POU3F1: variants seen among roughly 807,000 people sequenced by gnomAD.
POU3F1 encodes the protein POU domain, class 3, transcription factor 1.
In POU3F1, 1 loss-of-function variant was observed where a neutral mutation model predicts 7.6. The observed-to-expected ratio is 0.13, with a 90% CI of 0.05 to 0.62. The LOEUF (loss-of-function observed/expected upper bound fraction) is 0.62, where lower values mean the gene tolerates loss of function less well. POU3F1 is among the 20% of genes least tolerant of loss of function. The pLI is 0.87. For missense variants in POU3F1, 505 were observed against 679.3 expected, an observed-to-expected ratio of 0.74 and a Z score of 2.85; for synonymous variants, 354 against 339.0, an observed-to-expected ratio of 1.04 and a Z score of -0.49.
In POU3F1 at chr1:38,046,357, C is replaced by A. The variant is rs1398028945; in HGVS notation, c.387G>T (p.Ala129=). The A allele has an allele frequency of 4.5e-5, 54 of 1,212,482 alleles. No individual in the cohort carries two copies. Among genetic ancestry groups the A allele is most frequent in the Non-Finnish European group, 5.1e-5 (50 of 979,964 alleles). 75.1% of individuals were successfully genotyped at this position (1,212,482 alleles called of 1,614,324 possible). A position where few individuals can be genotyped will look rare whatever the true frequency, so the allele number is the denominator to read the frequency against. Residue 129 remains alanine, a synonymous_variant, in exon 1 of 1, where the codon GCG becomes GCT. Coordinates refer to ENST00000373012, the MANE Select transcript of POU3F1 (RefSeq NM_002699.4). The surrounding 1 kb of genome is among the most constrained non-coding windows in gnomAD (Gnocchi z 9.5). ...CCAAGTGGTGCGCTGTGCTGCCCTG[C>A]GCCCATGCCGCGCCCGCGTGGGCCG... is the stretch of plus-strand genomic sequence containing the variant. ...QGAAHAGAAW[A]QGSTAHHLGP...
Position 38,045,558 on chromosome 1 carries a change from G to T in POU3F1, c.1186C>A (p.Arg396Ser). Reference sequence around the variant, plus strand: ...CCCGCGCCGGCCGCAGGGGTCATGCGCTTCTCCTTCTGCCGCCGGTTGCAG... The same window carrying T: ...CCCGCGCCGGCCGCAGGGGTCATGCTCTTCTCCTTCTGCCGCCGGTTGCAG... ...WFCNRRQKEK[R>S]MTPAAGAGHP... Residue 396 changes from arginine (R) to serine (S), a missense_variant, in exon 1 of 1, where the codon CGC becomes AGC. Coordinates refer to ENST00000373012, the MANE Select transcript of POU3F1 (RefSeq NM_002699.4). The surrounding 1 kb of genome is among the most constrained non-coding windows in gnomAD (Gnocchi z 9.4). 1 of 1,608,212 alleles carries T rather than the reference G, an allele frequency of 6.2e-7. No individual in the cohort carries two copies. Among genetic ancestry groups the T allele is most frequent in the Non-Finnish European group, 8.5e-7 (1 of 1,177,574 alleles).
At position 38,046,543 on chromosome 1, in the gene POU3F1, G is replaced by A; in HGVS notation, c.201C>T (p.Gly67=). ...WLGAGAGHPV[G]LAHPQWLPTG... is the part of the protein sequence containing the mutation. ...TGGGTAGCCACTGGGGGTGCGCTAG[G>A]CCCACGGGGTGGCCCGCGCCCGCGC... is the stretch of plus-strand genomic sequence containing the variant. The change falls in exon 1 of 1, where the codon GGC becomes GGT. Residue 67 remains glycine (G), a synonymous_variant. Coordinates refer to ENST00000373012, the MANE Select transcript of POU3F1 (RefSeq NM_002699.4). The surrounding 1 kb of genome is among the most constrained non-coding windows in gnomAD (Gnocchi z 9.5). 2 of 1,372,366 alleles carry A rather than the reference G, an allele frequency of 1.5e-6. No individual in the cohort carries two copies. Among genetic ancestry groups the A allele is most frequent in the Non-Finnish European group, 1.9e-6 (2 of 1,061,712 alleles). The allele number at this position is 1,372,366 out of a possible 1,614,324, so 85.0% of individuals were successfully genotyped here. A position where few individuals can be genotyped will look rare whatever the true frequency, so the allele number is the denominator to read the frequency against.
At position 38,046,119 on chromosome 1, in the gene POU3F1, C is replaced by A; in HGVS notation, c.625G>T (p.Gly209Cys). The A allele has an allele frequency of 7.0e-7, 1 of 1,423,498 alleles. No homozygotes were observed. 88.2% of individuals were successfully genotyped at this position (1,423,498 alleles called of 1,614,324 possible). The change falls in exon 1 of 1, where the codon GGC becomes TGC. Residue 209 changes from glycine to cysteine, a missense_variant. By Grantham distance (159) the Gly-to-Cys change is radical (BLOSUM62 -3). This residue lies in a region of POU3F1 where 361 missense variants were observed against 382.1 expected (regional missense o/e 0.94). Coordinates refer to ENST00000373012, the MANE Select transcript of POU3F1 (RefSeq NM_002699.4). This position sits in a 1 kb window ranked among gnomAD's most constrained non-coding sequence, Gnocchi z 9.5. ...TGTCCGTGTGCGTGTCCGTGGGCGC[C>A]CAGATGCGGCGGCGGCGACGGCTCC... ...QLEPSPPPHL[G>C]AHGHAHGHAH...
At position 38,046,758 on chromosome 1, in the gene POU3F1, T is replaced by C; in HGVS notation, c.-15A>G. ...GTGGTGGCCATGCCGCCCCGCGCCC[T>C]GCGCCGCGCCGCCGCCGCCGCTCCG... On this transcript the variant is annotated 5_prime_UTR_variant, in exon 1 of 1. Transcript: ENST00000373012. This position sits in a 1 kb window ranked among gnomAD's most constrained non-coding sequence, Gnocchi z 9.5. 1.0e-6 allele frequency: 1 copy of C among 980,496 alleles called. No individual in the cohort carries two copies. The highest frequency in any genetic ancestry group is 1.2e-4 in the East Asian group (1 of 8,518). The allele number at this position is 980,496 out of a possible 1,614,324, so 60.7% of individuals were successfully genotyped here.
Position 38,045,820 on chromosome 1 carries a change from C to T in POU3F1, c.924G>A (p.Lys308=), listed in dbSNP as rs1646857484. ...GCCACTTGTTGAGCAGCGGCTTGAG[C>T]TTGCACATGTTCTTGAAGCTCAGCT... is the stretch of plus-strand genomic sequence containing the variant. The part of the protein sequence containing the change: ...ALQLSFKNMC[K]LKPLLNKWLE... The change falls in exon 1 of 1, where the codon AAG becomes AAA. Residue 308 remains lysine (K), a synonymous_variant. Coordinates refer to ENST00000373012, the MANE Select transcript of POU3F1 (RefSeq NM_002699.4). This position sits in a 1 kb window ranked among gnomAD's most constrained non-coding sequence, Gnocchi z 9.4. 1.2e-6 allele frequency: 2 copies of T among 1,614,070 alleles called. No homozygotes were observed. Among genetic ancestry groups the T allele is most frequent in the Non-Finnish European group, 1.7e-6 (2 of 1,180,006 alleles).
Position 38,045,637 on chromosome 1 carries a change from G to A in POU3F1, c.1107C>T (p.Ile369=), listed in dbSNP as rs762972087. 2.3e-5 allele frequency: 37 copies of A among 1,613,568 alleles called. No individual in the cohort carries two copies. The highest frequency in any genetic ancestry group is 3.1e-5 in the Non-Finnish European group (37 of 1,179,876). ...GCTGCAGGCTGTCTGCCAAGCCGGT[G>A]ATCTCGTGCGCCGAGGGCTTGGGGC... is the stretch of plus-strand genomic sequence containing the variant. ...LKCPKPSAHE[I]TGLADSLQLE... is the part of the protein sequence containing the mutation. The change falls in exon 1 of 1, where the codon ATC becomes ATT. Residue 369 remains isoleucine (I), a synonymous_variant. Transcript: ENST00000373012. This position sits in a 1 kb window ranked among gnomAD's most constrained non-coding sequence, Gnocchi z 9.4.
rs762802621 is a variant in POU3F1 at position 38,046,414 on chromosome 1, T to TCCG, written c.327_329dup (p.Gly111dup). ...GGTGCACCAGGCGCGCGTGGAAACC[T>TCCG]CCGCCGCCGCCGCCGTCGTCGGCTC... is the stretch of plus-strand genomic sequence containing the variant. On this transcript the variant is annotated inframe_insertion, in exon 1 of 1. Transcript: ENST00000373012. This position sits in a 1 kb window ranked among gnomAD's most constrained non-coding sequence, Gnocchi z 9.5. 4.7e-5 allele frequency: 60 copies of TCCG among 1,277,312 alleles called. No homozygotes were observed. The highest frequency in any genetic ancestry group is 3.1e-4 in the Middle Eastern group (1 of 3,252). The allele number at this position is 1,277,312 out of a possible 1,614,324, so 79.1% of individuals were successfully genotyped here.
chr1:38,043,832 G>C lies in POU3F1; in HGVS notation c.*1556C>G, dbSNP rs543733392. On this transcript the variant is annotated 3_prime_UTR_variant, in exon 1 of 1. Coordinates refer to ENST00000373012, the MANE Select transcript of POU3F1 (RefSeq NM_002699.4). This position sits in a 1 kb window ranked among gnomAD's most constrained non-coding sequence, Gnocchi z 4.5. Reference sequence around the variant, plus strand: ...TAAAAAGGACAGGACACAGCCCTGGGGTACATGTTTATGTGAGTAATAAAA... The same window carrying C: ...TAAAAAGGACAGGACACAGCCCTGGCGTACATGTTTATGTGAGTAATAAAA... Among the ~76,000 whole-genome samples the C allele has an allele frequency of 1.1e-4, 16 of 151,690 alleles. No homozygotes were observed. The highest frequency in any genetic ancestry group is 3.9e-4 in the African/African-American group (16 of 41,304).
rs1646855579 is a variant in POU3F1 at position 38,045,550 on chromosome 1, G to A, written c.1194C>T (p.Thr398=). The change falls in exon 1 of 1, where the codon ACC becomes ACT. Residue 398 remains threonine, a synonymous_variant. Transcript: ENST00000373012. The surrounding 1 kb of genome is among the most constrained non-coding windows in gnomAD (Gnocchi z 9.4). ...GCGGGTGGCCCGCGCCGGCCGCAGG[G>A]GTCATGCGCTTCTCCTTCTGCCGCC... The part of the protein sequence containing the change: ...CNRRQKEKRM[T]PAAGAGHPPM... 6.2e-7 allele frequency: 1 copy of A among 1,605,278 alleles called. No homozygotes were observed. Among genetic ancestry groups the A allele is most frequent in the South Asian group, 1.1e-5 (1 of 89,784 alleles).
chr1:38,046,309 G>T lies in POU3F1; in HGVS notation c.435C>A (p.Pro145=). 8.4e-7 allele frequency: 1 copy of T among 1,189,514 alleles called. No individual in the cohort carries two copies. The allele number at this position is 1,189,514 out of a possible 1,614,324, so 73.7% of individuals were successfully genotyped here. Residue 145 remains proline, a synonymous_variant, in exon 1 of 1, where the codon CCC becomes CCA. Transcript: ENST00000373012. This position sits in a 1 kb window ranked among gnomAD's most constrained non-coding sequence, Gnocchi z 9.5. The part of the protein sequence containing the change: ...HHLGPAMSPS[P]GASGGHQPQP... ...GGGGCTGGTGGCCCCCGCTGGCCCCGGGCGAGGGCGACATGGCCGGGCCCA... is the reference window on the plus strand; with the variant it reads ...GGGGCTGGTGGCCCCCGCTGGCCCCTGGCGAGGGCGACATGGCCGGGCCCA...
Position 38,046,158 on chromosome 1 carries a change from G to A in POU3F1, c.586C>T (p.His196Tyr), listed in dbSNP as rs892427203. ...GGCGACGGCTCCAGCTGCGCCTCGT[G>A]GCCATCCTCGTGCAGCGCGTGGTGC... is the stretch of plus-strand genomic sequence containing the variant. ...GLHHALHEDGHEAQLEPSPPP... is the reference protein window; with the variant it reads ...GLHHALHEDGYEAQLEPSPPP... Residue 196 changes from histidine (H) to tyrosine (Y), a missense_variant, in exon 1 of 1, where the codon CAC (histidine) becomes TAC (tyrosine). By Grantham distance (83) the His-to-Tyr change is moderately conservative. Coordinates refer to ENST00000373012, the MANE Select transcript of POU3F1 (RefSeq NM_002699.4). This position sits in a 1 kb window ranked among gnomAD's most constrained non-coding sequence, Gnocchi z 9.5. 5.1e-6 allele frequency: 7 copies of A among 1,381,554 alleles called. No homozygotes were observed. The African/African-American group carries it at 7.7e-5, about 15-fold the overall frequency. The allele number at this position is 1,381,554 out of a possible 1,614,324, so 85.6% of individuals were successfully genotyped here. A position where few individuals can be genotyped will look rare whatever the true frequency, so the allele number is the denominator to read the frequency against.
chr1:38,046,788 G>C lies in POU3F1; in HGVS notation c.-45C>G. On this transcript the variant is annotated 5_prime_UTR_variant, in exon 1 of 1. Coordinates refer to ENST00000373012, the MANE Select transcript of POU3F1 (RefSeq NM_002699.4). The surrounding 1 kb of genome is among the most constrained non-coding windows in gnomAD (Gnocchi z 9.5). ...CGCGCCGCCGCCGCCGCTCCGCTCC[G>C]TCTGCGGGCCCCGCCGCCTCGCTCC... is the stretch of plus-strand genomic sequence containing the variant. 2 of 984,330 alleles carry C rather than the reference G, an allele frequency of 2.0e-6. No individual in the cohort carries two copies. The highest frequency in any genetic ancestry group is 2.4e-6 in the Non-Finnish European group (2 of 830,590). The allele number at this position is 984,330 out of a possible 1,614,324, so 61.0% of individuals were successfully genotyped here.
In POU3F1 at chr1:38,045,441, G is replaced by C; in HGVS notation, c.1303C>G (p.Pro435Ala). Residue 435 changes from proline to alanine, a missense_variant, in exon 1 of 1, where the codon CCG becomes GCG. Transcript: ENST00000373012. This position sits in a 1 kb window ranked among gnomAD's most constrained non-coding sequence, Gnocchi z 9.4. ...TGGTGGTGGTGGTGCAGCGCCGCCG[G>C]CGGGGGCGGTGGGGGCGCGGAGGGT... The part of the protein sequence containing the change: ...SPPSAPPPPP[P>A]AALHHHHHHT... 6.9e-7 allele frequency: 1 copy of C among 1,440,588 alleles called. No individual in the cohort carries two copies. The highest frequency in any genetic ancestry group is 1.5e-5 in the South Asian group (1 of 67,696). 89.2% of individuals were successfully genotyped at this position (1,440,588 alleles called of 1,614,324 possible).
rs775275362 is a variant in POU3F1, at chr1:38,046,012, G to A, written c.732C>T (p.His244=). The change falls in exon 1 of 1, where the codon CAC becomes CAT. Residue 244 remains histidine (H), a synonymous_variant. Transcript: ENST00000373012. This position sits in a 1 kb window ranked among gnomAD's most constrained non-coding sequence, Gnocchi z 9.5. The stretch of plus-strand genomic sequence containing the variant: ...CCGAGCTGGGCGCATCCTCGTCCGA[G>A]TGCTCGCCCACCGATGAGCCGCCGC... ...AGGGGSSVGE[H]SDEDAPSSDD... The A allele has an allele frequency of 3.7e-6, 6 of 1,604,220 alleles. No individual in the cohort carries two copies.
Position 38,046,453 on chromosome 1 carries a change from G to T in POU3F1, c.291C>A (p.Gly97=). The change falls in exon 1 of 1, where the codon GGC becomes GGA. Residue 97 remains glycine (G), a synonymous_variant. Coordinates refer to ENST00000373012, the MANE Select transcript of POU3F1 (RefSeq NM_002699.4). The surrounding 1 kb of genome is among the most constrained non-coding windows in gnomAD (Gnocchi z 9.5). The stretch of plus-strand genomic sequence containing the variant: ...CGTCGTCGGCTCGGCCGGTGCCGCC[G>T]CCGCCTGCCTTGCCGTGTTCTAGGT... The part of the protein sequence containing the change: ...GPHLEHGKAG[G]GGTGRADDGG... The T allele has an allele frequency of 1.5e-6, 2 of 1,328,684 alleles. No homozygotes were observed. Among genetic ancestry groups the T allele is most frequent in the Non-Finnish European group, 1.9e-6 (2 of 1,038,838 alleles). 82.3% of individuals were successfully genotyped at this position (1,328,684 alleles called of 1,614,324 possible). A position where few individuals can be genotyped will look rare whatever the true frequency, so the allele number is the denominator to read the frequency against.
In POU3F1 at chr1:38,046,693, C is replaced by T; in HGVS notation, c.51G>A (p.Gly17=). Residue 17 remains glycine (G), a synonymous_variant, in exon 1 of 1, where the codon GGG becomes GGA. Transcript: ENST00000373012. The surrounding 1 kb of genome is among the most constrained non-coding windows in gnomAD (Gnocchi z 9.5). Reference sequence around the variant, plus strand: ...CCGGGTGCATAAGCGGCCCGGTGCCCCCGGCTCCGCCACCGGGGCCCCGCG... The same window carrying T: ...CCGGGTGCATAAGCGGCCCGGTGCCTCCGGCTCCGCCACCGGGGCCCCGCG... ...YLPRGPGGGA[G]GTGPLMHPDA... is the part of the protein sequence containing the mutation. 1 of 1,189,270 alleles carries T rather than the reference C, an allele frequency of 8.4e-7. No individual in the cohort carries two copies. The allele number at this position is 1,189,270 out of a possible 1,614,324, so 73.7% of individuals were successfully genotyped here.
chr1:38,045,527 G>C lies in POU3F1; in HGVS notation c.1217C>G (p.Pro406Arg), dbSNP rs751308093. Reference sequence around the variant, plus strand: ...AGGCGCGTATACATCGTCCATGGGCGGGTGGCCCGCGCCGGCCGCAGGGGT... The same window carrying C: ...AGGCGCGTATACATCGTCCATGGGCCGGTGGCCCGCGCCGGCCGCAGGGGT... ...RMTPAAGAGH[P>R]PMDDVYAPGE... The change falls in exon 1 of 1, where the codon CCG becomes CGG. Residue 406 changes from proline to arginine, a missense_variant. Transcript: ENST00000373012. The surrounding 1 kb of genome is among the most constrained non-coding windows in gnomAD (Gnocchi z 9.4). 4 of 1,593,544 alleles carry C rather than the reference G, an allele frequency of 2.5e-6. No homozygotes were observed. The highest frequency in any genetic ancestry group is 3.4e-6 in the Non-Finnish European group (4 of 1,170,516).
In POU3F1 at chr1:38,046,495, A is replaced by T; in HGVS notation, c.249T>A (p.Asp83Glu). 7.3e-7 allele frequency: 1 copy of T among 1,372,266 alleles called. No individual in the cohort carries two copies. The highest frequency in any genetic ancestry group is 3.2e-5 in the East Asian group (1 of 30,938). 85.0% of individuals were successfully genotyped at this position (1,372,266 alleles called of 1,614,324 possible). ...GTTCTAGGTGCGGGCCGCCGGCCCA[A>T]TCGCCGCCGCCGCCTCCTCCCGTGG... Reference protein sequence around the residue: ...WLPTGGGGGGDWAGGPHLEHG... With the variant: ...WLPTGGGGGGEWAGGPHLEHG... The change falls in exon 1 of 1, where the codon GAT (aspartate) becomes GAA (glutamate). Residue 83 changes from aspartate to glutamate, a missense_variant. By Grantham distance (45) the Asp-to-Glu change is conservative. Transcript: ENST00000373012. This position sits in a 1 kb window ranked among gnomAD's most constrained non-coding sequence, Gnocchi z 9.5.
At position 38,044,217 on chromosome 1, in the gene POU3F1, T is replaced by C. The variant is rs1217070576; in HGVS notation, c.*1171A>G. ...CGCCAGTGTGTACATATCTCACATA[T>C]TTACATGGTTCCCACCTCACCCCAA... On this transcript the variant is annotated 3_prime_UTR_variant, in exon 1 of 1. Transcript: ENST00000373012. 1.3e-5 allele frequency among the ~76,000 whole-genome samples: 2 copies of C among 152,250 alleles called. No individual in the cohort carries two copies. The highest frequency in any genetic ancestry group is 1.3e-4 in the Admixed American group (2 of 15,292).
Sources: gnomAD v4.1 joint callset for allele counts (sites outside exome capture counted in the v4.1 genomes callset) on GRCh38, gnomAD v4.1.1 for gene constraint, gnomAD v4.1.1 regional missense constraint, Gnocchi (gnomAD v3.1) non-coding constraint, MANE v1.5 for transcripts, NCBI Gene and HGNC (gene_info 2026-07-23, HGNC 2026-07-21) for gene names.